The following CYP46A1 variants were observed in gnomAD, a reference collection of about 807,000 sequenced individuals.
CYP46A1 encodes cholesterol 24-hydroxylase.
In CYP46A1, 20 loss-of-function variants were observed where a neutral mutation model predicts 63.3. The ratio of observed to expected loss-of-function variants is 0.32; its 90% confidence interval spans 0.22 to 0.46. CYP46A1 has a LOEUF of 0.46. Among genes scored for constraint, CYP46A1 ranks in the 20% least tolerant of loss-of-function variants. The pLI is 1.00. For missense variants in CYP46A1, 445 were observed against 670.8 expected (o/e 0.66, Z 3.72); for synonymous variants, 268 against 273.6 (o/e 0.98, Z 0.20).
intron 1 of CYP46A1, among the ~76,000 whole-genome samples, chr14:99,685,234 GA>G (rs1297626978): frequency 6.6e-6 from 1 of 151,136 alleles, no homozygotes; most frequent in African/African-American, 2.4e-5. Context: ...CGAGCACTCA[GA>G]ACCCACTCTG....
chr14:99,688,605 C>T (rs1242008412), intron 1 of CYP46A1, among the ~76,000 whole-genome samples: 1 of 152,166 alleles, frequency 6.6e-6, no homozygotes, highest in African/African-American at 2.4e-5. Flanking sequence ...TTTTCCTCCT[C>T]TTCTGCATCA....
intron 5 of CYP46A1, among the ~76,000 whole-genome samples, chr14:99,705,380 A>G (rs1404644761): frequency 4.0e-5 from 6 of 148,208 alleles, no homozygotes; most frequent in African/African-American, 1.2e-4. Context: ...GCTAGTTTTT[A>G]TTTTTATTTT....
In CYP46A1 at chr14:99,715,816, C is replaced by T; in HGVS notation, c.700C>T (p.Pro234Ser). The T allele has an allele frequency of 6.2e-7, 1 of 1,614,122 alleles. No homozygotes were observed. Among genetic ancestry groups the T allele is most frequent in the Non-Finnish European group, 8.5e-7 (1 of 1,180,016 alleles). The change falls in exon 8 of 15, where the codon CCA becomes TCA. Residue 234 changes from proline (P) to serine (S), a missense_variant. Pro to Ser is a moderately conservative substitution (Grantham distance 74). This residue lies in a region of CYP46A1 where 252 missense variants were observed against 383.3 expected (regional missense o/e 0.66). Transcript: ENST00000261835. The stretch of plus-strand genomic sequence containing the variant: ...AGCTGAAACTCTTGTTTAGTTCCTG[C>T]CAGGGAAGAGGAAGCAGCTCCGGGA... ...ASRNTLAKFL[P>S]GKRKQLREVR...
chr14:99,691,939 CTT>C, intron 3 of CYP46A1, 78 bp downstream of exon 3: 2 of 1,431,638 alleles, frequency 1.4e-6, no homozygotes, highest in Non-Finnish European at 2.0e-6. Context: ...GTCCCAGAGA[CTT>C]TGGATGAATG....
intron 5 of CYP46A1, among the ~76,000 whole-genome samples, chr14:99,705,566 C>T (rs182103150): frequency 1.3e-5 from 2 of 152,280 alleles, no homozygotes; most frequent in East Asian, 3.9e-4. Flanking sequence ...TTTTCAGATA[C>T]GTTTCAAGAA....
intron 10 of CYP46A1, among the ~76,000 whole-genome samples, chr14:99,718,367 T>G (rs1279034481): frequency 1.3e-5 from 2 of 152,138 alleles, no homozygotes; most frequent in Admixed American, 6.5e-5. Flanking sequence ...CCACCCCACG[T>G]TTCCCCTCCG....
At chr14:99,726,078 C>T in intron 13 of CYP46A1, 112 bp from the exon 14 acceptor site, 1 of 949,624 alleles carries the variant, frequency 1.1e-6, no homozygotes, top group Non-Finnish European at 1.7e-6. Flanking sequence ...TGCCCAGCCC[C>T]TGGCTCAAAG....
intron 1 of CYP46A1, among the ~76,000 whole-genome samples, chr14:99,688,336 G>A (rs1190592337): frequency 6.6e-6 from 1 of 152,002 alleles, no homozygotes; most frequent in Non-Finnish European, 1.5e-5. Context: ...GCGTTTATTC[G>A]CCTACTCTCC....
At position 99,726,905 on chromosome 14, in the gene CYP46A1, C is replaced by T. The variant is rs1244608248; in HGVS notation, c.*178C>T. 4.0e-5 allele frequency: 20 copies of T among 501,790 alleles called. No homozygotes were observed. Among genetic ancestry groups the T allele is most frequent in the East Asian group, 2.7e-4 (8 of 30,102 alleles). 31.1% of individuals were successfully genotyped at this position (501,790 alleles called of 1,614,324 possible). A position where few individuals can be genotyped will look rare whatever the true frequency, so the allele number is the denominator to read the frequency against. On this transcript the variant is annotated 3_prime_UTR_variant, in exon 15 of 15. Coordinates refer to ENST00000261835, the MANE Select transcript of CYP46A1 (RefSeq NM_006668.2). ...ACCCCTCAGCGCTCCCTGTCGCCTG[C>T]GGACTCCATGGCCCTTCCTGGACTG...
Position 99,715,451 on chromosome 14 carries a change from G to A in CYP46A1, c.694-359G>A, listed in dbSNP as rs563757049. 3.1e-4 allele frequency among the ~76,000 whole-genome samples: 47 copies of A among 152,172 alleles called. 1 individual carries two copies. The South Asian group carries it at 8.7e-3, about 28-fold the overall frequency. On this transcript the variant is annotated intron_variant, in intron 7 of 14. Transcript: ENST00000261835. ...AGCTTGCAGCCGCCAATGCCGCCCC[G>A]TCTTTTTGGCAGTTGATCGCACTCT...
At chr14:99,703,632 A>T (rs767976291) in intron 5 of CYP46A1, 32 of 985,320 alleles carry the variant, frequency 3.2e-5, no homozygotes, top group Non-Finnish European at 3.9e-5. Context: ...CCCAGCTAAG[A>T]TGTCACCTAC....
At chr14:99,699,269 C>T (rs1215644630) in intron 3 of CYP46A1, among the ~76,000 whole-genome samples, 197 bp from the exon 4 acceptor site, 2 of 152,182 alleles carry the variant, frequency 1.3e-5, no homozygotes, top group Non-Finnish European at 2.9e-5. Flanking sequence ...CTTCGCCCCT[C>T]TGTGCTGCAT....
At chr14:99,690,539 A>G (rs1021907941) in intron 1 of CYP46A1, among the ~76,000 whole-genome samples, 1 of 152,208 alleles carries the variant, frequency 6.6e-6, no homozygotes, top group Non-Finnish European at 1.5e-5. Context: ...CTTCAGGATG[A>G]CACTGCACTG....
chr14:99,716,183 C>A lies in CYP46A1; in HGVS notation c.891C>A (p.Val297=), dbSNP rs2056788460. The part of the protein sequence containing the change: ...QDDEGLLDNF[V]TFFIAGHETS... Reference sequence around the variant, plus strand: ...ACGAGGGTCTGCTGGACAACTTCGTCACCTTCTTCATTGCTGGTTTGTAGC... The same window carrying A: ...ACGAGGGTCTGCTGGACAACTTCGTAACCTTCTTCATTGCTGGTTTGTAGC... Residue 297 remains valine, a synonymous_variant, in exon 9 of 15, where the codon GTC becomes GTA. Transcript: ENST00000261835. 1 of 1,614,126 alleles carries A rather than the reference C, an allele frequency of 6.2e-7. No homozygotes were observed. Among genetic ancestry groups the A allele is most frequent in the African/African-American group, 1.3e-5 (1 of 74,952 alleles).
intron 3 of CYP46A1, among the ~76,000 whole-genome samples, chr14:99,697,970 G>A (rs1227794119): frequency 6.6e-6 from 1 of 152,074 alleles, no homozygotes; most frequent in Non-Finnish European, 1.5e-5. Context: ...GGCATTTACT[G>A]TCACAGTCTT....
rs1248195639 is a variant in CYP46A1, at chr14:99,699,550, A to T, written c.356+11A>T. The stretch of plus-strand genomic sequence containing the variant: ...TGTGTTTGGTGAGAGGTAAGGAGGT[A>T]TGGTGGAAGGCCTGGGTGGGAGGCC... On this transcript the variant is annotated intron_variant, in intron 4 of 14. Transcript: ENST00000261835. 2 of 1,614,020 alleles carry T rather than the reference A, an allele frequency of 1.2e-6. No individual in the cohort carries two copies. Among genetic ancestry groups the T allele is most frequent in the Non-Finnish European group, 1.7e-6 (2 of 1,179,936 alleles).
rs374102945 is a variant in CYP46A1, at chr14:99,724,680, C to T, written c.1177-711C>T. The stretch of plus-strand genomic sequence containing the variant: ...ACATCATGTGTCTGGCAACAATCCC[C>T]GGCACATCTTAGGTGCCCTAAACCC... On this transcript the variant is annotated intron_variant, in intron 12 of 14. Coordinates refer to ENST00000261835, the MANE Select transcript of CYP46A1 (RefSeq NM_006668.2). Among the ~76,000 whole-genome samples the T allele has an allele frequency of 9.8e-5, 15 of 152,342 alleles. 1 individual carries two copies. The highest frequency in any genetic ancestry group is 4.1e-4 in the South Asian group (2 of 4,830).
intron 9 of CYP46A1, among the ~76,000 whole-genome samples, 199 bp downstream of exon 9, chr14:99,716,398 C>A (rs1350788883): frequency 6.6e-6 from 1 of 152,156 alleles, no homozygotes; most frequent in Non-Finnish European, 1.5e-5. Context: ...ATGCAGCTGG[C>A]AATTGTGGGG....
At chr14:99,702,069 CA>C (rs71113217) in intron 5 of CYP46A1, among the ~76,000 whole-genome samples, 432 of 70,728 alleles carry the variant, frequency 6.1e-3, no homozygotes, top group South Asian at 0.025. Flanking sequence ...GACTCCATCT[CA>C]AAAAAAAAAA....
Sources: gnomAD v4.1 joint callset for allele counts (sites outside exome capture counted in the v4.1 genomes callset) on GRCh38, gnomAD v4.1.1 for gene constraint, gnomAD v4.1.1 regional missense constraint, MANE v1.5 for transcripts, NCBI Gene and HGNC (gene_info 2026-07-23, HGNC 2026-07-21) for gene names.